ERCC6L2: variants seen among roughly 807,000 people sequenced by gnomAD.
ERCC6L2 encodes the protein DNA excision repair protein ERCC-6-like 2.
In ERCC6L2, 77 loss-of-function variants were observed where a neutral mutation model predicts 132.0. That is an observed-to-expected ratio of 0.58 (90% CI 0.49 to 0.71). The LOEUF (loss-of-function observed/expected upper bound fraction) is 0.71, where lower values mean the gene tolerates loss of function less well. ERCC6L2 is among the 30% of genes least tolerant of loss of function. The pLI, the probability that ERCC6L2 is intolerant of heterozygous loss-of-function variation, is 0.00. For synonymous variants in ERCC6L2, 583 were observed against 632.4 expected, an observed-to-expected ratio of 0.92 and a Z score of 1.17; for missense variants, 1,542 against 1,837.6, an observed-to-expected ratio of 0.84 and a Z score of 2.94.
rs7043732 is a variant in ERCC6L2 at position 95,893,416 on chromosome 9, T to C, written c.472-4433T>C. 9.8e-3 allele frequency among the ~76,000 whole-genome samples: 1,493 copies of C among 152,304 alleles called. 15 individuals carry two copies. Among genetic ancestry groups the C allele is most frequent in the Middle Eastern group, 0.041 (12 of 294 alleles). On this transcript the variant is annotated intron_variant, in intron 2 of 18. Coordinates refer to ENST00000653738, the MANE Select transcript of ERCC6L2 (RefSeq NM_020207.7). ...GATAAATTGGCTTGTAAATTTCCTGTATTATAATGTTCTTGTCAGGTTTTC... is the reference window on the plus strand; with the variant it reads ...GATAAATTGGCTTGTAAATTTCCTGCATTATAATGTTCTTGTCAGGTTTTC...
At chr9:96,034,236 G>C (rs767153810) in intron 19 of ERCC6L2, among the ~76,000 whole-genome samples, 2 of 152,264 alleles carry the variant, frequency 1.3e-5, no homozygotes, top group Non-Finnish European at 2.9e-5. Flanking sequence ...GGTCCCTCTT[G>C]TCTGATGCCA....
At chr9:95,896,135 C>T (rs921014800) in intron 2 of ERCC6L2, among the ~76,000 whole-genome samples, 6 of 152,112 alleles carry the variant, frequency 3.9e-5, no homozygotes, top group South Asian at 4.1e-4. Flanking sequence ...CCTGTGTCAC[C>T]GATCTTCTAA....
intron 17 of ERCC6L2, among the ~76,000 whole-genome samples, chr9:95,988,230 CTT>C (rs1833168191): frequency 6.6e-6 from 1 of 152,292 alleles, no homozygotes; most frequent in Admixed American, 6.5e-5. Context: ...GAGCATAACT[CTT>C]TTGTGGTGAG....
intron 17 of ERCC6L2, among the ~76,000 whole-genome samples, chr9:95,990,327 AG>A (rs1177200001): frequency 6.6e-6 from 1 of 152,234 alleles, no homozygotes; most frequent in East Asian, 1.9e-4. Flanking sequence ...GCCAACATGA[AG>A]GTATCAAGTA....
chr9:95,898,063 G>T, intron 3 of ERCC6L2, 92 bp downstream of exon 3: 3 of 1,129,340 alleles, frequency 2.7e-6, no homozygotes, highest in Middle Eastern at 3.1e-4. Context: ...AAAATGTATT[G>T]GTATACATTT....
intron 9 of ERCC6L2, among the ~76,000 whole-genome samples, chr9:95,927,435 G>A (rs1426757166): frequency 1.3e-5 from 2 of 152,134 alleles, no homozygotes; most frequent in East Asian, 3.8e-4. Flanking sequence ...GGAAATAAAA[G>A]TAACAGTGTG....
intron 3 of ERCC6L2, among the ~76,000 whole-genome samples, chr9:95,902,839 C>T (rs977176055): frequency 2.0e-5 from 3 of 152,064 alleles, no homozygotes; most frequent in African/African-American, 4.8e-5. Flanking sequence ...ATCTAATTCT[C>T]GTTTTTAATC....
chr9:95,878,479 C>T (rs1827408194), intron 1 of ERCC6L2, among the ~76,000 whole-genome samples: 3 of 151,340 alleles, frequency 2.0e-5, no homozygotes, highest in Admixed American at 1.3e-4. Flanking sequence ...ATGATGATGC[C>T]AGTTTTTTGT....
chr9:96,040,270 C>T (rs1421641400), intron 20 of ERCC6L2, among the ~76,000 whole-genome samples: 5 of 152,092 alleles, frequency 3.3e-5, no homozygotes, highest in African/African-American at 4.8e-5. Context: ...CTGGGCGTCA[C>T]GTCCTCCCTG....
At chr9:96,023,525 T>G (rs570046585) in intron 19 of ERCC6L2, among the ~76,000 whole-genome samples, 9 of 152,330 alleles carry the variant, frequency 5.9e-5, no homozygotes, top group Admixed American at 4.6e-4. Context: ...TGGCCACACG[T>G]ATGTAGACAT....
At chr9:96,018,601 C>T (rs571448292), downstream of ERCC6L2, among the ~76,000 whole-genome samples, 3 of 151,210 alleles carry the variant, frequency 2.0e-5, no homozygotes, top group African/African-American at 7.3e-5. Flanking sequence ...GCTGGGACCA[C>T]AGATGTGCAC....
intron 20 of ERCC6L2, among the ~76,000 whole-genome samples, chr9:96,040,169 C>T (rs1238831618): frequency 1.3e-5 from 2 of 151,954 alleles, no homozygotes; most frequent in African/African-American, 4.8e-5. Context: ...CCCAAGCACC[C>T]CCACAATAGC....
Position 95,922,370 on chromosome 9 carries a change from A to C in ERCC6L2, c.1365A>C (p.Val455=), listed in dbSNP as rs909226630. 6.2e-7 allele frequency: 1 copy of C among 1,613,700 alleles called. No homozygotes were observed. ...GTTACCTTACAGTCCTTCAGAAGGTAGCTAACCATGTCGCGCTACTGCAAG... is the reference window on the plus strand; with the variant it reads ...GTTACCTTACAGTCCTTCAGAAGGTCGCTAACCATGTCGCGCTACTGCAAG... ...YLSYLTVLQK[V]ANHVALLQAA... is the part of the protein sequence containing the mutation. The change falls in exon 8 of 19, where the codon GTA becomes GTC. Residue 455 remains valine (V), a synonymous_variant. Coordinates refer to ENST00000653738, the MANE Select transcript of ERCC6L2 (RefSeq NM_020207.7).
chr9:95,926,482 T>C (rs1008141474), intron 9 of ERCC6L2, among the ~76,000 whole-genome samples: 11 of 152,254 alleles, frequency 7.2e-5, no homozygotes, highest in African/African-American at 2.6e-4. Flanking sequence ...CCAAAAGACA[T>C]GGAAGAACCT....
At chr9:95,922,231 T>C in intron 7 of ERCC6L2, 74 bp from the exon 8 acceptor site, 1 of 670,604 alleles carries the variant, frequency 1.5e-6, no homozygotes, top group South Asian at 2.0e-5. Flanking sequence ...TTATTGTAAG[T>C]GATACATTTT....
intron 17 of ERCC6L2, among the ~76,000 whole-genome samples, chr9:96,003,360 T>C (rs1256101164): frequency 6.6e-6 from 1 of 152,220 alleles, no homozygotes; most frequent in African/African-American, 2.4e-5. Flanking sequence ...ACAAATTATT[T>C]ATGTTAATTT....
chr9:95,987,737 C>T (rs1833148886), intron 17 of ERCC6L2, among the ~76,000 whole-genome samples: 4 of 152,226 alleles, frequency 2.6e-5, no homozygotes, highest in Admixed American at 1.3e-4. Flanking sequence ...TCTCACACCT[C>T]CACTAGGCAG....
intron 12 of ERCC6L2, among the ~76,000 whole-genome samples, chr9:95,945,612 T>G (rs1041352066): frequency 3.3e-5 from 5 of 152,194 alleles, no homozygotes; most frequent in Admixed American, 1.3e-4. Flanking sequence ...GCGTAAGAAA[T>G]TATAAAAGTG....
chr9:95,928,938 T>G (rs1331282476), intron 11 of ERCC6L2, 74 bp downstream of exon 11: 6 of 1,172,546 alleles, frequency 5.1e-6, no homozygotes, highest in Admixed American at 2.7e-5. Flanking sequence ...TTAAAACTAT[T>G]ACTGGATTAA....
Sources: gnomAD v4.1 joint callset for allele counts (sites outside exome capture counted in the v4.1 genomes callset) on GRCh38, gnomAD v4.1.1 for gene constraint, MANE v1.5 for transcripts, NCBI Gene and HGNC (gene_info 2026-07-23, HGNC 2026-07-21) for gene names.